GRIA2: variants seen among roughly 807,000 people sequenced by gnomAD.
GRIA2 encodes glutamate receptor 2.
Under a neutral mutation model 97.3 loss-of-function variants are expected in GRIA2, and 14 were observed. The observed-to-expected ratio is 0.14, with a 90% CI of 0.10 to 0.23. The LOEUF (loss-of-function observed/expected upper bound fraction) is 0.23. GRIA2 is among the 10% of genes least tolerant of loss of function. The pLI is 1.00. For missense variants in GRIA2, 558 were observed against 1,069.8 expected (o/e 0.52, Z 6.67); for synonymous variants, 412 against 387.8 (o/e 1.06, Z -0.73).
chr4:157,322,874 C>T (rs1734638393), intron 6 of GRIA2, among the ~76,000 whole-genome samples: 1 of 152,056 alleles, frequency 6.6e-6, no homozygotes, highest in African/African-American at 2.4e-5. Context: ...GAGATTGGTC[C>T]TAGAAAAGGA....
chr4:157,339,798 T>C (rs967702969), intron 11 of GRIA2, among the ~76,000 whole-genome samples: 3 of 151,876 alleles, frequency 2.0e-5, no homozygotes, highest in African/African-American at 7.2e-5. Flanking sequence ...ATACTTCCCA[T>C]TGATATTGGA....
intron 3 of GRIA2, among the ~76,000 whole-genome samples, 155 bp from the exon 4 acceptor site, chr4:157,312,524 T>C (rs1363702403): frequency 2.6e-5 from 4 of 152,142 alleles, no homozygotes; most frequent in Admixed American, 2.6e-4. Context: ...TAGAAGGTGA[T>C]AAAGATCATA....
chr4:157,329,859 A>C (rs1393424530), intron 6 of GRIA2, among the ~76,000 whole-genome samples: 1 of 151,900 alleles, frequency 6.6e-6, no homozygotes, highest in Non-Finnish European at 1.5e-5. Context: ...TCCTTGCAAA[A>C]TTGTGACAAT....
chr4:157,275,992 A>T (rs1022951688), intron 2 of GRIA2, among the ~76,000 whole-genome samples: 13 of 152,154 alleles, frequency 8.5e-5, no homozygotes, highest in African/African-American at 3.1e-4. Flanking sequence ...CTTCCAACCC[A>T]TGAGCATGGA....
intron 12 of GRIA2, among the ~76,000 whole-genome samples, chr4:157,343,238 G>A (rs1018593456): frequency 6.6e-6 from 1 of 151,984 alleles, no homozygotes; most frequent in African/African-American, 2.4e-5. Context: ...TATCAGTATA[G>A]CTCCCCAAAG....
chr4:157,237,294 T>G (rs527695382), intron 2 of GRIA2, among the ~76,000 whole-genome samples: 1 of 152,020 alleles, frequency 6.6e-6, no homozygotes, highest in Non-Finnish European at 1.5e-5. Flanking sequence ...TATAAGTTTT[T>G]TTTTTTTTTT....
At chr4:157,237,275 T>C (rs1432195267) in intron 2 of GRIA2, among the ~76,000 whole-genome samples, 1 of 150,490 alleles carries the variant, frequency 6.6e-6, no homozygotes, top group Non-Finnish European at 1.5e-5. Context: ...ACTTCATTGA[T>C]TTGAAATGTA....
chr4:157,256,232 T>G (rs1456248729), intron 2 of GRIA2, among the ~76,000 whole-genome samples: 1 of 121,162 alleles, frequency 8.3e-6, no homozygotes, highest in Non-Finnish European at 1.7e-5. Context: ...ATATAATATA[T>G]AATATATATA....
intron 2 of GRIA2, among the ~76,000 whole-genome samples, chr4:157,226,862 C>T (rs888074271): frequency 6.6e-6 from 1 of 152,106 alleles, no homozygotes; most frequent in Non-Finnish European, 1.5e-5. Flanking sequence ...GCCAGGGACA[C>T]AATACCGTAA....
intron 2 of GRIA2, among the ~76,000 whole-genome samples, chr4:157,236,689 A>G (rs192133909): frequency 2.0e-5 from 3 of 152,270 alleles, no homozygotes; most frequent in East Asian, 1.9e-4. Flanking sequence ...TCTGCCTAAT[A>G]TCACAAGGTT....
chr4:157,315,057 G>T (rs1734250920), intron 4 of GRIA2, among the ~76,000 whole-genome samples: 1 of 152,140 alleles, frequency 6.6e-6, no homozygotes, highest in South Asian at 2.1e-4. Flanking sequence ...ATTTGTGAAG[G>T]GTTCACATAA....
At chr4:157,239,109 G>A (rs111714002) in intron 2 of GRIA2, among the ~76,000 whole-genome samples, 36 of 152,126 alleles carry the variant, frequency 2.4e-4, no homozygotes, top group African/African-American at 7.9e-4. Flanking sequence ...TGCTTCTGCC[G>A]AGGCAAGAAC....
intron 2 of GRIA2, among the ~76,000 whole-genome samples, chr4:157,289,028 G>C (rs538564085): frequency 6.6e-6 from 1 of 151,820 alleles, no homozygotes; most frequent in South Asian, 2.1e-4. Flanking sequence ...TTCCTCTGCA[G>C]CTTCATTGCT....
intron 2 of GRIA2, among the ~76,000 whole-genome samples, chr4:157,225,080 G>A (rs1729682554): frequency 6.6e-6 from 1 of 152,008 alleles, no homozygotes; most frequent in African/African-American, 2.4e-5. Flanking sequence ...GAAATTATTT[G>A]GAAATGTTGA....
At chr4:157,256,799 G>C (rs1239817531) in intron 2 of GRIA2, among the ~76,000 whole-genome samples, 2 of 151,904 alleles carry the variant, frequency 1.3e-5, no homozygotes, top group Admixed American at 6.6e-5. Context: ...GTGACATCTG[G>C]ATATCTAGAA....
intron 3 of GRIA2, among the ~76,000 whole-genome samples, chr4:157,308,547 T>A (rs1188112192): frequency 6.6e-6 from 1 of 152,332 alleles, no homozygotes; most frequent in African/African-American, 2.4e-5. Flanking sequence ...TCAACAGTTT[T>A]GTTTTAAGTA....
intron 11 of GRIA2, among the ~76,000 whole-genome samples, chr4:157,338,951 TTAAA>T (rs1735425193): frequency 6.6e-6 from 1 of 152,002 alleles, no homozygotes; most frequent in Admixed American, 6.6e-5. Flanking sequence ...AGAAATGTCT[TTAAA>T]TATTAAAAAA....
intron 2 of GRIA2, among the ~76,000 whole-genome samples, chr4:157,236,896 G>A (rs1250515211): frequency 6.6e-6 from 1 of 152,102 alleles, no homozygotes; most frequent in East Asian, 1.9e-4. Flanking sequence ...TAGCACACTT[G>A]TGATGTGTTT....
intron 2 of GRIA2, among the ~76,000 whole-genome samples, chr4:157,236,528 T>C (rs936844855): frequency 6.6e-6 from 1 of 152,124 alleles, no homozygotes; most frequent in Non-Finnish European, 1.5e-5. Context: ...TGCTGTTTCT[T>C]TTAATAATAT....
Sources: gnomAD v4.1 joint callset for allele counts (sites outside exome capture counted in the v4.1 genomes callset) on GRCh38, gnomAD v4.1.1 for gene constraint, MANE v1.5 for transcripts, NCBI Gene and HGNC (gene_info 2026-07-23, HGNC 2026-07-21) for gene names.